NRG1: variants seen among roughly 807,000 people sequenced by gnomAD.
NRG1 encodes neuregulin 1, also known as pro-neuregulin-1, membrane-bound isoform.
NRG1 carries 18 observed loss-of-function variants against 63.8 expected under a neutral mutation model. The observed-to-expected ratio is 0.28, with a 90% CI of 0.19 to 0.42. The LOEUF is 0.42. Ranked by LOEUF, NRG1 falls within the 10% of genes least tolerant of loss-of-function variation. NRG1 has a pLI of 1.00. For missense variants in NRG1, 762 were observed against 814.7 expected (o/e 0.94, Z 0.79); for synonymous variants, 302 against 301.3 (o/e 1.00, Z -0.02).
chr8:31,923,545 G>T (rs146847414), intron 1 of NRG1, among the ~76,000 whole-genome samples: 245 of 152,074 alleles, frequency 1.6e-3, no homozygotes, highest in African/African-American at 5.7e-3. Context: ...TCTTCCTTAC[G>T]TATTTGGGAG....
chr8:32,708,803 G>T (rs1817074261), intron 5 of NRG1, among the ~76,000 whole-genome samples: 2 of 151,982 alleles, frequency 1.3e-5, no homozygotes, highest in Non-Finnish European at 2.9e-5. Flanking sequence ...TTAACATGAG[G>T]GTTCCTGCTC....
At chr8:32,035,616 T>C (rs1199239642) in intron 1 of NRG1, among the ~76,000 whole-genome samples, 2 of 152,228 alleles carry the variant, frequency 1.3e-5, no homozygotes, top group Admixed American at 1.3e-4. Flanking sequence ...TGAATCAGGG[T>C]GCTCCTGTAT....
chr8:31,657,765 G>A (rs562882716), intron 1 of NRG1, among the ~76,000 whole-genome samples: 12 of 152,122 alleles, frequency 7.9e-5, no homozygotes, highest in Non-Finnish European at 1.5e-5. Context: ...ATATCATTTT[G>A]TTCCAATTTT....
At chr8:32,662,506 G>C (rs1803123574) in intron 5 of NRG1, among the ~76,000 whole-genome samples, 1 of 152,144 alleles carries the variant, frequency 6.6e-6, no homozygotes, top group African/African-American at 2.4e-5. Flanking sequence ...CATGGGACTT[G>C]ATGCCTTAGG....
chr8:31,876,770 T>C (rs1339468051), intron 1 of NRG1, among the ~76,000 whole-genome samples: 7 of 152,172 alleles, frequency 4.6e-5, no homozygotes, highest in Admixed American at 4.6e-4. Context: ...TAAAGAAGGG[T>C]ACCACATTGA....
intron 5 of NRG1, among the ~76,000 whole-genome samples, chr8:32,621,270 GT>G (rs958008841): frequency 4.6e-5 from 7 of 151,686 alleles, no homozygotes; most frequent in Non-Finnish European, 1.0e-4. Flanking sequence ...ATTTTCTTTT[GT>G]TTTTTGTAAA....
intron 1 of NRG1, among the ~76,000 whole-genome samples, chr8:31,737,244 C>T (rs1402376560): frequency 6.6e-6 from 1 of 152,082 alleles, no homozygotes; most frequent in Non-Finnish European, 1.5e-5. Flanking sequence ...CTTCCAAACT[C>T]ATTGTAGATA....
intron 5 of NRG1, among the ~76,000 whole-genome samples, chr8:32,640,620 G>GCGCACA (rs375067455): frequency 7.6e-6 from 1 of 132,224 alleles, no homozygotes; most frequent in Non-Finnish European, 1.6e-5. Flanking sequence ...TCTCAGACCC[G>GCGCACA]CACACACACA....
intron 1 of NRG1, among the ~76,000 whole-genome samples, chr8:32,347,138 T>A (rs1459894780): frequency 6.6e-6 from 1 of 152,214 alleles, no homozygotes; most frequent in Non-Finnish European, 1.5e-5. Context: ...CAAGCATTTA[T>A]CTTTTCTTTG....
chr8:32,267,818 T>C (rs1376451220), intron 1 of NRG1, among the ~76,000 whole-genome samples: 1 of 152,218 alleles, frequency 6.6e-6, no homozygotes, highest in African/African-American at 2.4e-5. Flanking sequence ...ACCAATTTCA[T>C]AGAAAACCAT....
intron 5 of NRG1, among the ~76,000 whole-genome samples, chr8:32,646,208 G>A (rs534575198): frequency 4.0e-4 from 61 of 152,226 alleles, no homozygotes; most frequent in African/African-American, 1.4e-3. Context: ...CACAGCAGGG[G>A]ATATATGGGC....
chr8:32,204,544 G>A (rs1769791480), intron 1 of NRG1, among the ~76,000 whole-genome samples: 1 of 152,172 alleles, frequency 6.6e-6, no homozygotes, highest in Non-Finnish European at 1.5e-5. Context: ...ATGGACTATA[G>A]TCCCCTCATT....
At chr8:32,170,650 C>A (rs1251647156) in intron 1 of NRG1, among the ~76,000 whole-genome samples, 2 of 152,152 alleles carry the variant, frequency 1.3e-5, no homozygotes, top group East Asian at 3.9e-4. Context: ...TTTCATGTAG[C>A]ATGAAATGCA....
intron 2 of NRG1, among the ~76,000 whole-genome samples, chr8:32,603,316 A>C (rs996398729): frequency 1.3e-5 from 2 of 152,182 alleles, no homozygotes; most frequent in African/African-American, 2.4e-5. Flanking sequence ...GTCAGAGTAC[A>C]ACAGCATATT....
Position 32,033,175 on chromosome 8 carries a change from A to G in NRG1, c.37+393744A>G, listed in dbSNP as rs191476586. 2.8e-3 allele frequency among the ~76,000 whole-genome samples: 419 copies of G among 150,706 alleles called. 3 individuals are homozygous for G. Among genetic ancestry groups the G allele is most frequent in the African/African-American group, 9.7e-3 (399 of 40,940 alleles). ...AGTGGCAGGATCTTGGCTCACTGCA[A>G]GCTCCACCTCCCGGGTTTACACCAT... On this transcript the variant is annotated intron_variant, in intron 1 of 10. Coordinates refer to the NRG1 transcript ENST00000519301.
chr8:32,439,256 C>G (rs1047094382), intron 1 of NRG1, among the ~76,000 whole-genome samples: 2 of 152,128 alleles, frequency 1.3e-5, no homozygotes, highest in Non-Finnish European at 2.9e-5. Context: ...ACATTTACTT[C>G]AAATAAACAT....
At chr8:31,853,661 G>A (rs1267169750) in intron 1 of NRG1, among the ~76,000 whole-genome samples, 2 of 151,444 alleles carry the variant, frequency 1.3e-5, no homozygotes, top group African/African-American at 4.9e-5. Context: ...GAATAGTAGT[G>A]GTGAGAGAGG....
At chr8:32,748,277 C>A (rs1212325833) in intron 7 of NRG1, among the ~76,000 whole-genome samples, 1 of 151,760 alleles carries the variant, frequency 6.6e-6, no homozygotes, top group Non-Finnish European at 1.5e-5. Flanking sequence ...CATTGATATG[C>A]TGTCTCTCCT....
intron 1 of NRG1, among the ~76,000 whole-genome samples, chr8:31,819,048 C>A (rs1466469069): frequency 6.6e-6 from 1 of 150,904 alleles, no homozygotes; most frequent in Non-Finnish European, 1.5e-5. Flanking sequence ...AGTGAGACTT[C>A]TTCTCAAAAA....
Sources: gnomAD v4.1 joint callset for allele counts (sites outside exome capture counted in the v4.1 genomes callset) on GRCh38, gnomAD v4.1.1 for gene constraint, MANE v1.5 for transcripts, NCBI Gene and HGNC (gene_info 2026-07-23, HGNC 2026-07-21) for gene names.